DLC1: variants seen among roughly 807,000 people sequenced by gnomAD.
DLC1 encodes the protein rho GTPase-activating protein 7.
A neutral mutation model predicts 140.3 loss-of-function variants in DLC1; 54 were observed. The ratio of observed to expected loss-of-function variants is 0.38; its 90% CI spans 0.31 to 0.48. The LOEUF is 0.48. DLC1 is among the 20% of genes least tolerant of loss of function. The pLI, the probability that DLC1 is intolerant of heterozygous loss-of-function variation, is 0.96. For synonymous variants in DLC1, 986 were observed against 728.1 expected (o/e 1.35, Z -5.70); for missense variants, 2,536 against 1,907.0 (o/e 1.33, Z -6.14).
intron 2 of DLC1, among the ~76,000 whole-genome samples, chr8:13,460,397 T>G (rs1021441414): frequency 6.6e-6 from 1 of 152,244 alleles, no homozygotes; most frequent in African/African-American, 2.4e-5. Flanking sequence ...GTAAGCTCAC[T>G]GCACGTGTTC....
chr8:13,567,366 T>C (rs1804482287), intron 1 of DLC1: 2 of 1,551,548 alleles, frequency 1.3e-6, no homozygotes, highest in African/African-American at 1.4e-5. Context: ...TGCAGTCTTA[T>C]TGCACCATGA....
chr8:13,538,892 T>C (rs1224738843), intron 1 of DLC1, among the ~76,000 whole-genome samples: 1 of 152,168 alleles, frequency 6.6e-6, no homozygotes, highest in Admixed American at 6.5e-5. Flanking sequence ...CGTAAATATC[T>C]TTTTCCTTTT....
intron 3 of DLC1, among the ~76,000 whole-genome samples, chr8:13,396,990 C>T (rs17805416): frequency 0.13 from 19,828 of 148,472 alleles, 1,598 homozygotes; most frequent in Non-Finnish European, 0.19. Context: ...AGGCCATCTT[C>T]CTGCAAGACT....
chr8:13,367,083 A>G (rs149620073), intron 4 of DLC1, among the ~76,000 whole-genome samples: 1 of 152,244 alleles, frequency 6.6e-6, no homozygotes, highest in East Asian at 1.9e-4. Context: ...GCTAAAAATG[A>G]GAATAGAGGC....
At chr8:13,482,831 T>C (rs1800796922) in intron 2 of DLC1, among the ~76,000 whole-genome samples, 2 of 152,222 alleles carry the variant, frequency 1.3e-5, no homozygotes, top group South Asian at 4.1e-4. Flanking sequence ...TGCTGTACAC[T>C]GGGCATATGC....
chr8:13,312,386 A>AAAAAAAAAAT (rs71207139), intron 4 of DLC1, among the ~76,000 whole-genome samples: 857 of 81,550 alleles, frequency 0.011, 162 homozygotes, highest in Middle Eastern at 0.023. Context: ...AAAAAAAAAA[A>AAAAAAAAAAT]AATAATTTCT....
intron 1 of DLC1, among the ~76,000 whole-genome samples, chr8:13,528,735 G>A (rs898293910): frequency 6.6e-6 from 1 of 152,068 alleles, no homozygotes; most frequent in Non-Finnish European, 1.5e-5. Context: ...TGGGTCTTGA[G>A]TAGAAGGTGT....
At chr8:13,134,190 A>G (rs950975721) in intron 5 of DLC1, among the ~76,000 whole-genome samples, 1 of 152,258 alleles carries the variant, frequency 6.6e-6, no homozygotes. Context: ...ACAGCTAAAT[A>G]TAGTTGCATT....
At chr8:13,118,531 G>A (rs1274003028) in intron 5 of DLC1, among the ~76,000 whole-genome samples, 3 of 152,124 alleles carry the variant, frequency 2.0e-5, no homozygotes, top group Non-Finnish European at 4.4e-5. Context: ...GCATTCAAAT[G>A]AGACCCTAAC....
chr8:13,188,827 G>A (rs76889917), intron 5 of DLC1, among the ~76,000 whole-genome samples: 669 of 28,216 alleles, frequency 0.024, 7 homozygotes, highest in African/African-American at 0.057. Flanking sequence ...ATATATATAT[G>A]TATATATATA....
At chr8:13,460,386 C>T (rs958656068) in intron 2 of DLC1, among the ~76,000 whole-genome samples, 2 of 152,190 alleles carry the variant, frequency 1.3e-5, no homozygotes, top group African/African-American at 4.8e-5. Context: ...ACAGATTCAC[C>T]GTAAGCTCAC....
At chr8:13,398,567 A>T (rs556252718) in intron 3 of DLC1, among the ~76,000 whole-genome samples, 1 of 150,926 alleles carries the variant, frequency 6.6e-6, no homozygotes, top group Admixed American at 6.6e-5. Context: ...GAGCCCTAGA[A>T]CATAGAGCTG....
chr8:13,395,034 C>T (rs1179814336), intron 3 of DLC1, among the ~76,000 whole-genome samples: 3 of 117,400 alleles, frequency 2.6e-5, no homozygotes, highest in African/African-American at 8.3e-5. Flanking sequence ...ATCTATCTAT[C>T]ATCTATCTAT....
rs1210483203 is a variant in DLC1, at chr8:13,225,551, T to C, written c.1348+79718A>G. On this transcript the variant is annotated intron_variant, in intron 5 of 17. Transcript: ENST00000276297. ...GCAAAACAGCAGAGATATGCTTTTC[T>C]TACCTCAAGGCTGAAGGATTTTCTT... Among the ~76,000 whole-genome samples the C allele has an allele frequency of 2.0e-5, 3 of 152,282 alleles. No individual in the cohort carries two copies. The East Asian group carries it at 5.8e-4, about 29-fold the overall frequency.
At chr8:13,093,381 C>T (rs1818246552) in intron 12 of DLC1, among the ~76,000 whole-genome samples, 2 of 151,960 alleles carry the variant, frequency 1.3e-5, no homozygotes, top group Admixed American at 1.3e-4. Context: ...TTGAACTGAA[C>T]TGAAAATATT....
In DLC1 at chr8:13,401,511, A is replaced by G. The variant is rs1837295047; in HGVS notation, c.1132T>C (p.Ser378Pro). 1 of 1,612,882 alleles carries G rather than the reference A, an allele frequency of 6.2e-7. No homozygotes were observed. The highest frequency in any genetic ancestry group is 2.0e-4 in the Middle Eastern group (1 of 5,126). ...AGGTTTGTTGGTGTGCCTGATGGAG[A>G]GGAGCTGGTGCTGAGGGCATTTTCT... Reference protein sequence around the residue: ...DIENALSTSSSPSGTPTNLRR... With the variant: ...DIENALSTSSPPSGTPTNLRR... Residue 378 changes from serine (S) to proline (P), a missense_variant, in exon 3 of 18, where the codon TCT becomes CCT. Coordinates refer to ENST00000276297, the MANE Select transcript of DLC1 (RefSeq NM_182643.3).
At chr8:13,402,620 TA>T (rs1467749453) in intron 2 of DLC1, among the ~76,000 whole-genome samples, 3 of 152,328 alleles carry the variant, frequency 2.0e-5, no homozygotes, top group African/African-American at 2.4e-5. Flanking sequence ...AAATCAGCTT[TA>T]AAAGGACCAC....
chr8:13,568,073 T>G (rs1804518804), intron 1 of DLC1: 1 of 1,118,466 alleles, frequency 8.9e-7, no homozygotes, highest in South Asian at 1.8e-5. Context: ...AACTTTCACT[T>G]TTTTTTTCCT....
At chr8:13,402,092 G>T (rs2117255180) in intron 2 of DLC1, among the ~76,000 whole-genome samples, 1 of 145,468 alleles carries the variant, frequency 6.9e-6, no homozygotes, top group Non-Finnish European at 1.5e-5. Context: ...CAAGTTTTCA[G>T]TTTGTGCAGG....
Sources: gnomAD v4.1 joint callset for allele counts (sites outside exome capture counted in the v4.1 genomes callset) on GRCh38, gnomAD v4.1.1 for gene constraint, MANE v1.5 for transcripts, NCBI Gene and HGNC (gene_info 2026-07-23, HGNC 2026-07-21) for gene names.